The following PARN variants were observed in gnomAD, a reference collection of about 807,000 sequenced individuals.
PARN encodes the protein poly(A)-specific ribonuclease PARN.
PARN carries 71 observed loss-of-function variants against 102.8 expected under a neutral mutation model. The observed-to-expected ratio is 0.69, with a 90% CI of 0.57 to 0.84. PARN has a LOEUF of 0.84. Among genes scored for constraint, PARN ranks in the 40% least tolerant of loss-of-function variants. The probability of loss-of-function intolerance (pLI) is 0.00; values close to 1 mark genes in which losing one functional copy is unlikely to be tolerated. For synonymous variants in PARN, 261 were observed against 252.9 expected, an observed-to-expected ratio of 1.03 and a Z score of -0.30; for missense variants, 782 against 760.9, an observed-to-expected ratio of 1.03 and a Z score of -0.33.
Position 14,446,969 on chromosome 16 carries a change from C to G in PARN, c.1783G>C (p.Asp595His). 6.2e-7 allele frequency: 1 copy of G among 1,613,716 alleles called. No homozygotes were observed. The highest frequency in any genetic ancestry group is 1.1e-5 in the South Asian group (1 of 91,064). Residue 595 changes from aspartate (D) to histidine (H), a missense_variant, in exon 23 of 24, where the codon GAT (aspartate) becomes CAT (histidine). Coordinates refer to ENST00000437198, the MANE Select transcript of PARN (RefSeq NM_002582.4). ...EISDTELEQT[D>H]SCAEPLSEGR... is the part of the protein sequence containing the mutation. ...TCTGAGAGGGGCTCTGCACAGGAAT[C>G]GGTCTGCTCAAGCTCAGTGTCGGAA...
At chr16:14,615,808 C>T (rs896351390) in intron 6 of PARN, among the ~76,000 whole-genome samples, 2 of 150,946 alleles carry the variant, frequency 1.3e-5, no homozygotes, top group East Asian at 2.0e-4. Context: ...GGCTGAGGCA[C>T]GAGTATCACT....
chr16:14,523,441 A>T (rs1168320692), intron 21 of PARN, among the ~76,000 whole-genome samples: 1 of 152,218 alleles, frequency 6.6e-6, no homozygotes, highest in East Asian at 1.9e-4. Context: ...AGCAAGACTC[A>T]ACAGATAGCA....
At chr16:14,599,338 C>T (rs763101012) in intron 12 of PARN, among the ~76,000 whole-genome samples, 1 of 152,152 alleles carries the variant, frequency 6.6e-6, no homozygotes, top group African/African-American at 2.4e-5. Flanking sequence ...CCACTATGCC[C>T]GGCCGCCTGT....
chr16:14,564,073 G>T (rs1039318763), intron 18 of PARN, among the ~76,000 whole-genome samples: 1 of 151,856 alleles, frequency 6.6e-6, no homozygotes, highest in African/African-American at 2.4e-5. Flanking sequence ...CCCACTACCC[G>T]CCCTACACAC....
At chr16:14,468,078 C>T (rs1026979754) in intron 22 of PARN, among the ~76,000 whole-genome samples, 1 of 152,170 alleles carries the variant, frequency 6.6e-6, no homozygotes, top group Non-Finnish European at 1.5e-5. Context: ...CTGGGTGGCA[C>T]AGAAGGCATC....
At position 14,554,135 on chromosome 16, in the gene PARN, A is replaced by C; in HGVS notation, c.1335T>G (p.Asp445Glu). The C allele has an allele frequency of 6.2e-7, 1 of 1,613,028 alleles. No individual in the cohort carries two copies. The highest frequency in any genetic ancestry group is 8.5e-7 in the Non-Finnish European group (1 of 1,179,286). Reference protein sequence around the residue: ...LEGPDLQPKRDHVLHVTFPKE... With the variant: ...LEGPDLQPKREHVLHVTFPKE... ...TGGGGAATGTCACATGGAGAACATGATCACGTTTAGGCTGCACTACAAGAC... is the reference window on the plus strand; with the variant it reads ...TGGGGAATGTCACATGGAGAACATGCTCACGTTTAGGCTGCACTACAAGAC... The change falls in exon 20 of 24, where the codon GAT becomes GAG. Residue 445 changes from aspartate to glutamate, a missense_variant. Transcript: ENST00000437198.
At chr16:14,445,301 T>G (rs1327369331) in intron 23 of PARN, among the ~76,000 whole-genome samples, 1 of 152,226 alleles carries the variant, frequency 6.6e-6, no homozygotes, top group Non-Finnish European at 1.5e-5. Flanking sequence ...GCTACTTGTC[T>G]GATTTCATTA....
At position 14,436,620 on chromosome 16, in the gene PARN, A is replaced by G; in HGVS notation, c.*97T>C. 4 of 863,702 alleles carry G rather than the reference A, an allele frequency of 4.6e-6. No individual in the cohort carries two copies. The highest frequency in any genetic ancestry group is 5.6e-6 in the Non-Finnish European group (3 of 535,896). The allele number at this position is 863,702 out of a possible 1,614,324, so 53.5% of individuals were successfully genotyped here. The stretch of plus-strand genomic sequence containing the variant: ...CTTGGTTTCCAACCCCTCCCATACC[A>G]CATTTGATTAAGTTAAATACAGTGC... On this transcript the variant is annotated 3_prime_UTR_variant, in exon 24 of 24. Transcript: ENST00000437198.
chr16:14,611,743 G>T (rs1190475054), intron 6 of PARN, among the ~76,000 whole-genome samples: 1 of 152,180 alleles, frequency 6.6e-6, no homozygotes, highest in East Asian at 1.9e-4. Flanking sequence ...GTTTCGCTAT[G>T]TTGGCCAGGC....
At chr16:14,509,218 C>A (rs1567333434) in intron 21 of PARN, among the ~76,000 whole-genome samples, 1 of 152,100 alleles carries the variant, frequency 6.6e-6, no homozygotes, top group African/African-American at 2.4e-5. Flanking sequence ...AACCCCGTGT[C>A]AGCTGTTTGT....
chr16:14,574,565 T>C (rs1968999188), intron 18 of PARN, among the ~76,000 whole-genome samples: 1 of 152,010 alleles, frequency 6.6e-6, no homozygotes, highest in Non-Finnish European at 1.5e-5. Flanking sequence ...ATACAAAAAT[T>C]AGCTGGGCGT....
chr16:14,443,339 A>AC (rs1345129488), intron 23 of PARN, among the ~76,000 whole-genome samples: 11 of 144,846 alleles, frequency 7.6e-5, no homozygotes, highest in African/African-American at 2.9e-4. Flanking sequence ...TAAAGAGATT[A>AC]CTTTTTTTTT....
At chr16:14,497,608 T>C (rs1289496152) in intron 21 of PARN, among the ~76,000 whole-genome samples, 4 of 152,208 alleles carry the variant, frequency 2.6e-5, no homozygotes, top group Admixed American at 2.0e-4. Flanking sequence ...CAGTGCTCCA[T>C]GTTTCTTCTA....
At chr16:14,602,751 G>A (rs1256800564) in intron 11 of PARN, among the ~76,000 whole-genome samples, 1 of 152,130 alleles carries the variant, frequency 6.6e-6, no homozygotes, top group Non-Finnish European at 1.5e-5. Flanking sequence ...TCACTCCTGG[G>A]AGGCTGTCAT....
chr16:14,497,736 G>C (rs1373961163), intron 21 of PARN, among the ~76,000 whole-genome samples: 1 of 149,188 alleles, frequency 6.7e-6, no homozygotes, highest in Admixed American at 6.6e-5. Context: ...GGAGCTGCTG[G>C]GCTGCACTAT....
chr16:14,628,340 T>G (rs560567586), intron 2 of PARN, 89 bp from the exon 3 acceptor site: 58 of 723,542 alleles, frequency 8.0e-5, no homozygotes, highest in Admixed American at 4.3e-4. Context: ...TATAATGTCG[T>G]ATCACGAATT....
At chr16:14,591,263 C>T (rs762003108) in intron 13 of PARN, among the ~76,000 whole-genome samples, 32 of 151,974 alleles carry the variant, frequency 2.1e-4, no homozygotes, top group Non-Finnish European at 3.8e-4. Context: ...TGGTGGTGCA[C>T]GCCTGTAGTC....
intron 22 of PARN, among the ~76,000 whole-genome samples, chr16:14,453,207 G>A (rs189656398): frequency 6.6e-6 from 1 of 152,298 alleles, no homozygotes; most frequent in African/African-American, 2.4e-5. Flanking sequence ...AAATGTCACA[G>A]ACACAACTTG....
intron 19 of PARN, among the ~76,000 whole-genome samples, 191 bp downstream of exon 19, chr16:14,555,463 A>T (rs1967625173): frequency 6.6e-6 from 1 of 152,206 alleles, no homozygotes; most frequent in Non-Finnish European, 1.5e-5. Context: ...AAACTGGAAA[A>T]CATAAATGAA....
Sources: gnomAD v4.1 joint callset for allele counts (sites outside exome capture counted in the v4.1 genomes callset) on GRCh38, gnomAD v4.1.1 for gene constraint, MANE v1.5 for transcripts, NCBI Gene and HGNC (gene_info 2026-07-23, HGNC 2026-07-21) for gene names.